The following CSNK2A3 variants were observed in gnomAD, a reference collection of about 807,000 sequenced individuals.
CSNK2A3 encodes the protein casein kinase II subunit alpha 3.
In CSNK2A3, 31 loss-of-function variants were observed where a neutral mutation model predicts 36.5. That is an observed-to-expected ratio of 0.85 (90% CI 0.64 to 1.15). The LOEUF (loss-of-function observed/expected upper bound fraction) is 1.15. Among genes scored for constraint, CSNK2A3 ranks in the 50% most tolerant of loss-of-function variants. The pLI is 0.00. For synonymous variants in CSNK2A3, 152 were observed against 176.3 expected, an observed-to-expected ratio of 0.86 and a Z score of 1.09; for missense variants, 443 against 487.2, an observed-to-expected ratio of 0.91 and a Z score of 0.85.
Position 11,352,151 on chromosome 11 carries a change from A to G in CSNK2A3, c.969T>C (p.Tyr323=). The change falls in exon 1 of 1, where the codon TAT becomes TAC. Residue 323 remains tyrosine, a synonymous_variant. Coordinates refer to ENST00000528848, the MANE Select transcript of CSNK2A3 (RefSeq NM_001256686.2). Reference sequence around the variant, plus strand: ...CCTGGTCCTTCACAACAGTGTAGAAATAGGGGTGCTCCATGGCCTCTCTTG... The same window carrying G: ...CCTGGTCCTTCACAACAGTGTAGAAGTAGGGGTGCTCCATGGCCTCTCTTG... The part of the protein sequence containing the change: ...LTAREAMEHP[Y]FYTVVKDQAR... The G allele has an allele frequency of 6.2e-7, 1 of 1,613,378 alleles. No individual in the cohort carries two copies. Among genetic ancestry groups the G allele is most frequent in the African/African-American group, 1.3e-5 (1 of 74,736 alleles).
Position 11,352,497 on chromosome 11 carries a change from A to C in CSNK2A3, c.623T>G (p.Met208Arg). ...CCACATATCCAAACTATAATCGTACATCTGATAGTCTACAAGTAGCTCAGG... is the reference window on the plus strand; with the variant it reads ...CCACATATCCAAACTATAATCGTACCTCTGATAGTCTACAAGTAGCTCAGG... ...KGPELLVDYQ[M>R]YDYSLDMWRL... Residue 208 changes from methionine to arginine, a missense_variant, in exon 1 of 1, where the codon ATG (methionine) becomes AGG (arginine). Coordinates refer to ENST00000528848, the MANE Select transcript of CSNK2A3 (RefSeq NM_001256686.2). The C allele has an allele frequency of 6.2e-7, 1 of 1,614,162 alleles. No individual in the cohort carries two copies. The highest frequency in any genetic ancestry group is 8.5e-7 in the Non-Finnish European group (1 of 1,180,030).
rs1468011636 is a variant in CSNK2A3 at position 11,353,163 on chromosome 11, T to C, written c.-44A>G. Reference sequence around the variant, plus strand: ...CAAAGCTGGACTTGATGTTTGGAGATCTGGCAGTCACTGTGTTCAGAAGCA... The same window carrying C: ...CAAAGCTGGACTTGATGTTTGGAGACCTGGCAGTCACTGTGTTCAGAAGCA... On this transcript the variant is annotated 5_prime_UTR_variant, in exon 1 of 1. Transcript: ENST00000528848. The C allele has an allele frequency of 6.2e-7, 1 of 1,608,670 alleles. No homozygotes were observed. The highest frequency in any genetic ancestry group is 1.3e-5 in the African/African-American group (1 of 74,818).
chr11:11,352,298 G>T lies in CSNK2A3; in HGVS notation c.822C>A (p.Gly274=), dbSNP rs763611121. The change falls in exon 1 of 1, where the codon GGC becomes GGA. Residue 274 remains glycine (G), a synonymous_variant. Coordinates refer to ENST00000528848, the MANE Select transcript of CSNK2A3 (RefSeq NM_001256686.2). ...GTTCCCATCGCTTTCGAGAGTGTCT[G>T]CCCAAGATATCATTGAAACGTGGAT... is the stretch of plus-strand genomic sequence containing the variant. ...ELDPRFNDIL[G]RHSRKRWERF... 45 of 1,614,110 alleles carry T rather than the reference G, an allele frequency of 2.8e-5. No homozygotes were observed. The South Asian group carries it at 4.4e-4, about 16-fold the overall frequency.
At position 11,352,889 on chromosome 11, in the gene CSNK2A3, TTTC is replaced by T. The variant is rs750111475; in HGVS notation, c.228_230del (p.Lys77del). 51 of 1,614,176 alleles carry T rather than the reference TTTC, an allele frequency of 3.2e-5. No individual in the cohort carries two copies. Among genetic ancestry groups the T allele is most frequent in the African/African-American group, 2.9e-4 (22 of 75,040 alleles). ...CCAAAATCTTTATTTCACGCTTAAT[TTTC>T]TTCTTTTTTACTGGCTTGAGAATTT... On this transcript the variant is annotated inframe_deletion, in exon 1 of 1. Coordinates refer to ENST00000528848, the MANE Select transcript of CSNK2A3 (RefSeq NM_001256686.2).
At position 11,352,048 on chromosome 11, in the gene CSNK2A3, C is replaced by T. The variant is rs138837005; in HGVS notation, c.1072G>A (p.Val358Met). Residue 358 changes from valine (V) to methionine (M), a missense_variant, in exon 1 of 1, where the codon GTG (valine) becomes ATG (methionine). Coordinates refer to ENST00000528848, the MANE Select transcript of CSNK2A3 (RefSeq NM_001256686.2). ...GGTCCAAGGGGTGAAGGAGTTGGCACTGAAGAAATCCCTGACATCACATTG... is the reference window on the plus strand; with the variant it reads ...GGTCCAAGGGGTGAAGGAGTTGGCATTGAAGAAATCCCTGACATCACATTG... The part of the protein sequence containing the change: ...SANVMSGISS[V>M]PTPSPLGPLA... 6.2e-7 allele frequency: 1 copy of T among 1,613,750 alleles called. No homozygotes were observed. The highest frequency in any genetic ancestry group is 8.5e-7 in the Non-Finnish European group (1 of 1,179,972).
rs777486408 is a variant in CSNK2A3 at position 11,352,980 on chromosome 11, C to T, written c.140G>A (p.Arg47Gln). 48 of 1,614,164 alleles carry T rather than the reference C, an allele frequency of 3.0e-5. No individual in the cohort carries two copies. Among genetic ancestry groups the T allele is most frequent in the Middle Eastern group, 1.6e-4 (1 of 6,062 alleles). ...TTCAAATACTTCACTGTATTTACCT[C>T]GGCCTAATTTTCGAACCAGCTGGTA... ...DDYQLVRKLG[R>Q]GKYSEVFEAI... The change falls in exon 1 of 1, where the codon CGA becomes CAA. Residue 47 changes from arginine (R) to glutamine (Q), a missense_variant. By Grantham distance (43) the Arg-to-Gln change is conservative. Transcript: ENST00000528848.
In CSNK2A3 at chr11:11,352,220, G is replaced by C; in HGVS notation, c.900C>G (p.Phe300Leu). Residue 300 changes from phenylalanine to leucine, a missense_variant, in exon 1 of 1, where the codon TTC becomes TTG. Physicochemically the swap from Phe to Leu is conservative, Grantham distance 22 (BLOSUM62 0). Transcript: ENST00000528848. ...QHLVSPEALDFLDKLLRYDHQ... is the reference protein window; with the variant it reads ...QHLVSPEALDLLDKLLRYDHQ... ...GGTCATATCGCAGCAGTTTGTCCAG[G>C]AAATCCAAGGCCTCAGGGCTGACAA... 1 of 1,613,944 alleles carries C rather than the reference G, an allele frequency of 6.2e-7. No individual in the cohort carries two copies. The highest frequency in any genetic ancestry group is 8.5e-7 in the Non-Finnish European group (1 of 1,180,016).
At position 11,353,138 on chromosome 11, in the gene CSNK2A3, C is replaced by A. The variant is rs755594317; in HGVS notation, c.-19G>T. ...CCGACATGTCAGACAGGTTGGCGGA[C>A]AAAGCTGGACTTGATGTTTGGAGAT... On this transcript the variant is annotated 5_prime_UTR_variant, in exon 1 of 1. Coordinates refer to ENST00000528848, the MANE Select transcript of CSNK2A3 (RefSeq NM_001256686.2). 5.0e-6 allele frequency: 8 copies of A among 1,613,402 alleles called. No individual in the cohort carries two copies. Among genetic ancestry groups the A allele is most frequent in the Non-Finnish European group, 6.8e-6 (8 of 1,179,468 alleles).
In CSNK2A3 at chr11:11,353,078, A is replaced by T. The variant is rs779184038; in HGVS notation, c.42T>A (p.Asp14Glu). The part of the protein sequence containing the change: ...PVPSRARVYT[D>E]VNTHRPREYW... Reference sequence around the variant, plus strand: ...ATTCTCGAGGTCTGTGTGTATTAACATCTGTGTAAACTCTGGCCCTGCTTG... The same window carrying T: ...ATTCTCGAGGTCTGTGTGTATTAACTTCTGTGTAAACTCTGGCCCTGCTTG... The change falls in exon 1 of 1, where the codon GAT becomes GAA. Residue 14 changes from aspartate to glutamate, a missense_variant. Transcript: ENST00000528848. 6.2e-7 allele frequency: 1 copy of T among 1,614,146 alleles called. No individual in the cohort carries two copies. Among genetic ancestry groups the T allele is most frequent in the South Asian group, 1.1e-5 (1 of 91,074 alleles).
rs767916772 is a variant in CSNK2A3, at chr11:11,352,493, G to A, written c.627C>T (p.Tyr209=). The A allele has an allele frequency of 4.2e-5, 68 of 1,613,854 alleles. No individual in the cohort carries two copies. Among genetic ancestry groups the A allele is most frequent in the South Asian group, 7.7e-5 (7 of 91,062 alleles). Residue 209 remains tyrosine, a synonymous_variant, in exon 1 of 1, where the codon TAC becomes TAT. Transcript: ENST00000528848. ...GPELLVDYQM[Y]DYSLDMWRLG... ...ATCTCCACATATCCAAACTATAATC[G>A]TACATCTGATAGTCTACAAGTAGCT... is the stretch of plus-strand genomic sequence containing the variant.
Position 11,352,185 on chromosome 11 carries a change from C to T in CSNK2A3, c.935G>A (p.Arg312Gln), listed in dbSNP as rs756081194. The change falls in exon 1 of 1, where the codon CGG becomes CAG. Residue 312 changes from arginine (R) to glutamine (Q), a missense_variant. Transcript: ENST00000528848. Reference protein sequence around the residue: ...DKLLRYDHQSRLTAREAMEHP... With the variant: ...DKLLRYDHQSQLTAREAMEHP... ...CTCCATGGCCTCTCTTGCAGTAAGC[C>T]GTGACTGGTGGTCATATCGCAGCAG... 3.2e-5 allele frequency: 52 copies of T among 1,613,580 alleles called. No homozygotes were observed. Among genetic ancestry groups the T allele is most frequent in the African/African-American group, 3.1e-4 (23 of 74,772 alleles).
Position 11,352,972 on chromosome 11 carries a change from A to G in CSNK2A3, c.148T>C (p.Tyr50His), listed in dbSNP as rs752551667. 1.9e-6 allele frequency: 3 copies of G among 1,614,082 alleles called. No homozygotes were observed. The highest frequency in any genetic ancestry group is 1.7e-5 in the Admixed American group (1 of 60,004). ...TTGATGGCTTCAAATACTTCACTGT[A>G]TTTACCTCGGCCTAATTTTCGAACC... Reference protein sequence around the residue: ...QLVRKLGRGKYSEVFEAINIT... With the variant: ...QLVRKLGRGKHSEVFEAINIT... The change falls in exon 1 of 1, where the codon TAC becomes CAC. Residue 50 changes from tyrosine to histidine, a missense_variant. Physicochemically the swap from Tyr to His is moderately conservative, Grantham distance 83. Coordinates refer to ENST00000528848, the MANE Select transcript of CSNK2A3 (RefSeq NM_001256686.2).
At position 11,352,582 on chromosome 11, in the gene CSNK2A3, C is replaced by T; in HGVS notation, c.538G>A (p.Glu180Lys). Residue 180 changes from glutamate to lysine, a missense_variant, in exon 1 of 1, where the codon GAG (glutamate) becomes AAG (lysine). Transcript: ENST00000528848. ...KLRLIDWGLAEFYHPGQEYNV... is the reference protein window; with the variant it reads ...KLRLIDWGLAKFYHPGQEYNV... The stretch of plus-strand genomic sequence containing the variant: ...TATTCTTGGCCAGGATGATAAAACT[C>T]AGCCAAACCCCAGTCTATTAGTCGT... 1.9e-6 allele frequency: 3 copies of T among 1,614,168 alleles called. No individual in the cohort carries two copies. Among genetic ancestry groups the T allele is most frequent in the Non-Finnish European group, 2.5e-6 (3 of 1,180,032 alleles).
rs745940002 is a variant in CSNK2A3, at chr11:11,352,992, C to A, written c.128G>T (p.Arg43Leu). 2 of 1,614,188 alleles carry A rather than the reference C, an allele frequency of 1.2e-6. No individual in the cohort carries two copies. The highest frequency in any genetic ancestry group is 2.7e-5 in the African/African-American group (2 of 75,040). The change falls in exon 1 of 1, where the codon CGA (arginine) becomes CTA (leucine). Residue 43 changes from arginine (R) to leucine (L), a missense_variant. Transcript: ENST00000528848. ...WGNQDDYQLVRKLGRGKYSEV... is the reference protein window; with the variant it reads ...WGNQDDYQLVLKLGRGKYSEV... ...ACTGTATTTACCTCGGCCTAATTTT[C>A]GAACCAGCTGGTAGTCATCTTGATT...
In CSNK2A3 at chr11:11,353,206, T is replaced by C. The variant is rs915887401; in HGVS notation, c.-87A>G. On this transcript the variant is annotated 5_prime_UTR_variant, in exon 1 of 1. Coordinates refer to ENST00000528848, the MANE Select transcript of CSNK2A3 (RefSeq NM_001256686.2). Reference sequence around the variant, plus strand: ...CAGAAGCAGCTTGGGGGTAAGACCTTGTTTCAGACCTGTTTTCTTCACACT... The same window carrying C: ...CAGAAGCAGCTTGGGGGTAAGACCTCGTTTCAGACCTGTTTTCTTCACACT... The C allele has an allele frequency of 2.5e-5, 38 of 1,529,658 alleles. No individual in the cohort carries two copies. The highest frequency in any genetic ancestry group is 3.4e-5 in the Non-Finnish European group (38 of 1,110,784). The allele number at this position is 1,529,658 out of a possible 1,614,324, so 94.8% of individuals were successfully genotyped here.
Position 11,352,596 on chromosome 11 carries a change from T to G in CSNK2A3, c.524A>C (p.Asp175Ala). The G allele has an allele frequency of 6.2e-7, 1 of 1,614,172 alleles. No homozygotes were observed. Among genetic ancestry groups the G allele is most frequent in the East Asian group, 2.2e-5 (1 of 44,880 alleles). Residue 175 changes from aspartate to alanine, a missense_variant, in exon 1 of 1, where the codon GAC becomes GCC. By Grantham distance (126) the Asp-to-Ala change is moderately radical. Coordinates refer to ENST00000528848, the MANE Select transcript of CSNK2A3 (RefSeq NM_001256686.2). ...DHEHRKLRLI[D>A]WGLAEFYHPG... ...ATGATAAAACTCAGCCAAACCCCAGTCTATTAGTCGTAGCTTTCTGTGCTC... is the reference window on the plus strand; with the variant it reads ...ATGATAAAACTCAGCCAAACCCCAGGCTATTAGTCGTAGCTTTCTGTGCTC...
rs370067043 is a variant in CSNK2A3, at chr11:11,352,438, G to A, written c.682C>T (p.Arg228Trp). Residue 228 changes from arginine to tryptophan, a missense_variant, in exon 1 of 1, where the codon CGG becomes TGG. Arg to Trp is a moderately radical substitution (Grantham distance 101). Transcript: ENST00000528848. ...LGCMLASMIF[R>W]KEPFFHGRDN... ...CGTCCATGGAAAAATGGCTCCTTCC[G>A]AAAGATCATACTTGCCAGCATACAA... is the stretch of plus-strand genomic sequence containing the variant. The A allele has an allele frequency of 5.3e-5, 86 of 1,614,020 alleles. 1 individual carries two copies. In the East Asian group the frequency reaches 1.2e-3, roughly 22 times the overall value.
In CSNK2A3 at chr11:11,352,525, C is replaced by T. The variant is rs750849569; in HGVS notation, c.595G>A (p.Gly199Ser). Residue 199 changes from glycine (G) to serine (S), a missense_variant, in exon 1 of 1, where the codon GGT becomes AGT. Gly to Ser is a moderately conservative substitution (Grantham distance 56). Coordinates refer to ENST00000528848, the MANE Select transcript of CSNK2A3 (RefSeq NM_001256686.2). ...TGATAGTCTACAAGTAGCTCAGGAC[C>T]TTTGAAGTATCGGGAAGCAACTCGG... ...NVRVASRYFKGPELLVDYQMY... is the reference protein window; with the variant it reads ...NVRVASRYFKSPELLVDYQMY... The T allele has an allele frequency of 2.8e-4, 444 of 1,614,110 alleles. No homozygotes were observed. Among genetic ancestry groups the T allele is most frequent in the Admixed American group, 5.0e-4 (30 of 60,018 alleles).
In CSNK2A3 at chr11:11,352,241, G is replaced by A. The variant is rs1232378350; in HGVS notation, c.879C>T (p.Val293=). 3.1e-6 allele frequency: 5 copies of A among 1,613,984 alleles called. No individual in the cohort carries two copies. ...CCAGGAAATCCAAGGCCTCAGGGCT[G>A]ACAAGGTGCTGATTTTCACTGTGGA... ...RFVHSENQHL[V]SPEALDFLDK... Residue 293 remains valine, a synonymous_variant, in exon 1 of 1, where the codon GTC becomes GTT. Transcript: ENST00000528848.
Sources: allele counts gnomAD v4.1 joint callset, GRCh38; gene constraint gnomAD v4.1.1; transcripts MANE v1.5; gene names NCBI Gene and HGNC (gene_info 2026-07-23, HGNC 2026-07-21).